The following USP24 variants were observed in gnomAD, a reference collection of about 807,000 sequenced individuals.
USP24 encodes ubiquitin carboxyl-terminal hydrolase 24.
A neutral mutation model predicts 361.6 loss-of-function variants in USP24; 97 were observed. The ratio of observed to expected loss-of-function variants is 0.27; its 90% CI spans 0.23 to 0.32. The LOEUF is 0.32. Among genes scored for constraint, USP24 ranks in the 10% least tolerant of loss-of-function variants. The probability of loss-of-function intolerance (pLI) is 1.00; values close to 1 mark genes in which losing one functional copy is unlikely to be tolerated. For missense variants in USP24, 2,353 were observed against 3,165.6 expected, an observed-to-expected ratio of 0.74 and a Z score of 6.16; for synonymous variants, 1,098 against 1,124.6, an observed-to-expected ratio of 0.98 and a Z score of 0.47.
At chr1:55,185,473 G>C (rs1487965856) in intron 1 of USP24, among the ~76,000 whole-genome samples, 1 of 151,498 alleles carries the variant, frequency 6.6e-6, no homozygotes, top group Non-Finnish European at 1.5e-5. Flanking sequence ...TTAAAAAAAA[G>C]GGACAAACCT....
intron 21 of USP24, among the ~76,000 whole-genome samples, chr1:55,143,776 G>A (rs1026360586): frequency 7.9e-5 from 12 of 151,934 alleles, no homozygotes; most frequent in Non-Finnish European, 1.6e-4. Flanking sequence ...GCTTTTTTAG[G>A]TACATGTGAA....
Position 55,137,568 on chromosome 1 carries a change from T to C in USP24, c.3148A>G (p.Ser1050Gly), listed in dbSNP as rs1646773198. 6.2e-7 allele frequency: 1 copy of C among 1,613,378 alleles called. No homozygotes were observed. Among genetic ancestry groups the C allele is most frequent in the African/African-American group, 1.3e-5 (1 of 74,900 alleles). Residue 1050 changes from serine (S) to glycine (G), a missense_variant, in exon 28 of 68, where the codon AGC becomes GGC. Around this residue, in one of 8 missense-constraint regions of USP24, gnomAD observed 949 missense variants for 1,280.5 expected, o/e 0.74. Coordinates refer to ENST00000294383, the MANE Select transcript of USP24 (RefSeq NM_015306.3). The part of the protein sequence containing the change: ...PSGSSADSST[S>G]SSSSSSGVFS... ...ACCCCACTGCTGCTGCTGCTGGAGC[T>C]GGTTGAAGAATCTGCTGAACTCCCA...
intron 1 of USP24, among the ~76,000 whole-genome samples, chr1:55,212,188 T>A (rs1481225224): frequency 3.9e-5 from 6 of 152,234 alleles, no homozygotes; most frequent in African/African-American, 1.4e-4. Context: ...TTCTAAAGTA[T>A]GCTTCTTTTT....
chr1:55,203,502 A>T (rs1292266977), intron 1 of USP24, among the ~76,000 whole-genome samples: 1 of 152,230 alleles, frequency 6.6e-6, no homozygotes, highest in Admixed American at 6.5e-5. Flanking sequence ...TGGAATAAGG[A>T]GAGGGAAATG....
chr1:55,184,167 C>T (rs114884501), intron 1 of USP24, among the ~76,000 whole-genome samples: 150 of 152,262 alleles, frequency 9.9e-4, no homozygotes, highest in Non-Finnish European at 1.8e-3. Flanking sequence ...AATGATCCTT[C>T]CACCTCAGCC....
In USP24 at chr1:55,158,989, G is replaced by A; in HGVS notation, c.1116C>T (p.Cys372=). The A allele has an allele frequency of 6.3e-7, 1 of 1,589,782 alleles. No individual in the cohort carries two copies. The highest frequency in any genetic ancestry group is 8.6e-7 in the Non-Finnish European group (1 of 1,165,890). Reference sequence around the variant, plus strand: ...TCACCAGATCCGGTTGGAAGCGCATGCAAAGTAACTTAACGGCAGACAAGA... The same window carrying A: ...TCACCAGATCCGGTTGGAAGCGCATACAAAGTAACTTAACGGCAGACAAGA... The part of the protein sequence containing the change: ...PELLSAVKLL[C]MRFQPDLVTI... The change falls in exon 10 of 68, where the codon TGC becomes TGT. Residue 372 remains cysteine (C), a synonymous_variant. Transcript: ENST00000294383.
At chr1:55,135,304 G>C (rs563930137) in intron 28 of USP24, among the ~76,000 whole-genome samples, 13 of 152,090 alleles carry the variant, frequency 8.5e-5, no homozygotes, top group African/African-American at 3.1e-4. Context: ...AGTTAACTCT[G>C]ACAACCCCAC....
chr1:55,079,091 G>A (rs758505127), intron 60 of USP24, among the ~76,000 whole-genome samples: 4 of 152,248 alleles, frequency 2.6e-5, no homozygotes, highest in South Asian at 2.1e-4. Context: ...AGCTGGGGGC[G>A]GCTCTGCTGG....
chr1:55,093,584 G>A lies in USP24; in HGVS notation c.6354+353C>T, dbSNP rs191094225. 97 of 193,328 alleles carry A rather than the reference G, an allele frequency of 5.0e-4. 1 individual carries two copies. The highest frequency in any genetic ancestry group is 2.1e-3 in the African/African-American group (90 of 43,058). The allele number at this position is 193,328 out of a possible 1,614,324, so 12.0% of individuals were successfully genotyped here. ...TTTATTAGTCCCACTCAAAGGTTAT[G>A]AACCTTAACTTGTTTTTCTCTCCAG... On this transcript the variant is annotated intron_variant, in intron 52 of 67. Coordinates refer to ENST00000294383, the MANE Select transcript of USP24 (RefSeq NM_015306.3).
chr1:55,083,365 C>G lies in USP24; in HGVS notation c.6883-1G>C. ...GAAGATCTCCAGCCCTAATTCCTTG[C>G]TGTCACAAGATATTGAGAATAACAA... On this transcript the variant is annotated splice_acceptor_variant, in intron 57 of 67. Transcript: ENST00000294383. LOFTEE classifies it high-confidence loss of function. 6.2e-7 allele frequency: 1 copy of G among 1,613,288 alleles called. No individual in the cohort carries two copies. Among genetic ancestry groups the G allele is most frequent in the Non-Finnish European group, 8.5e-7 (1 of 1,179,506 alleles).
At chr1:55,191,470 C>T (rs1644284762) in intron 1 of USP24, among the ~76,000 whole-genome samples, 1 of 148,852 alleles carries the variant, frequency 6.7e-6, no homozygotes, top group Non-Finnish European at 1.5e-5. Context: ...TATTTACTTA[C>T]TTATAAGATC....
chr1:55,176,346 C>T, intron 3 of USP24, 30 bp downstream of exon 3: 4 of 1,546,778 alleles, frequency 2.6e-6, no homozygotes, highest in Non-Finnish European at 3.5e-6. Flanking sequence ...CCGACACACA[C>T]AAAATATCAC....
At chr1:55,192,480 T>A (rs1215388928) in intron 1 of USP24, among the ~76,000 whole-genome samples, 1 of 152,174 alleles carries the variant, frequency 6.6e-6, no homozygotes, top group Non-Finnish European at 1.5e-5. Flanking sequence ...TATAGAAAAA[T>A]GAAGATGACA....
Position 55,129,485 on chromosome 1 carries a change from G to T in USP24, c.3627C>A (p.Gly1209=). 1 of 1,613,286 alleles carries T rather than the reference G, an allele frequency of 6.2e-7. No homozygotes were observed. The highest frequency in any genetic ancestry group is 8.5e-7 in the Non-Finnish European group (1 of 1,179,482). ...KSFCENFLKA[G]GLSLVVNVMQ... ...TACATTGAAACTCTAACCTCAAACC[G>T]CCAGCTTTGAGGAAGTTTTCACAGA... Residue 1209 remains glycine, a synonymous_variant, in exon 32 of 68, where the codon GGC becomes GGA. Transcript: ENST00000294383.
intron 11 of USP24, 25 bp downstream of exon 11, chr1:55,157,231 A>G: frequency 6.6e-7 from 1 of 1,513,994 alleles, no homozygotes. Flanking sequence ...GTGTTAGGTA[A>G]TTTTTATTTT....
intron 60 of USP24, among the ~76,000 whole-genome samples, chr1:55,079,048 G>A (rs765233513): frequency 6.6e-6 from 1 of 151,808 alleles, no homozygotes; most frequent in Non-Finnish European, 1.5e-5. Context: ...CTGTAAATCA[G>A]GTAGGGAAGA....
Position 55,104,009 on chromosome 1 carries a change from G to T in USP24, c.4892C>A (p.Ala1631Glu). Residue 1631 changes from alanine to glutamate, a missense_variant, in exon 42 of 68, where the codon GCG (alanine) becomes GAG (glutamate). Around this residue, in one of 8 missense-constraint regions of USP24, gnomAD observed 949 missense variants for 1,280.5 expected, o/e 0.74. Transcript: ENST00000294383. ...QQDFHPKCST[A>E]NSRLAAYEVL... ...TTCATAGGCTGCCAATCGGCTATTC[G>T]CTGTACTACACCTAGAAACAAAAGA... The T allele has an allele frequency of 1.2e-6, 2 of 1,608,082 alleles. No homozygotes were observed. Among genetic ancestry groups the T allele is most frequent in the Non-Finnish European group, 1.7e-6 (2 of 1,177,076 alleles).
intron 41 of USP24, among the ~76,000 whole-genome samples, chr1:55,105,864 C>A (rs1246842293): frequency 6.6e-6 from 1 of 151,864 alleles, no homozygotes; most frequent in Non-Finnish European, 1.5e-5. Context: ...ATTTTTATAA[C>A]CTTCGTTTCT....
At chr1:55,077,063 C>T (rs1402850561) in intron 62 of USP24, among the ~76,000 whole-genome samples, 172 bp downstream of exon 62, 1 of 152,148 alleles carries the variant, frequency 6.6e-6, no homozygotes, top group African/African-American at 2.4e-5. Context: ...TTTATTACTG[C>T]TCGCCTCTAA....
Sources: gnomAD v4.1 joint callset for allele counts (sites outside exome capture counted in the v4.1 genomes callset) on GRCh38, gnomAD v4.1.1 for gene constraint, gnomAD v4.1.1 regional missense constraint, MANE v1.5 for transcripts, NCBI Gene and HGNC (gene_info 2026-07-23, HGNC 2026-07-21) for gene names.